The following MROH9 variants were observed in gnomAD, a reference collection of about 807,000 sequenced individuals.
The protein encoded by MROH9 is maestro heat like repeat family member 9, also known as maestro heat-like repeat-containing protein family member 9.
Under a neutral mutation model 98.2 loss-of-function variants are expected in MROH9, and 92 were observed. The ratio of observed to expected loss-of-function variants is 0.94; its 90% confidence interval spans 0.79 to 1.11. The LOEUF is 1.11. Among genes scored for constraint, MROH9 ranks in the 50% most tolerant of loss-of-function variants. The pLI is 0.00. For synonymous variants in MROH9, 397 were observed against 368.9 expected, an observed-to-expected ratio of 1.08 and a Z score of -0.87; for missense variants, 1,057 against 1,014.8, an observed-to-expected ratio of 1.04 and a Z score of -0.57.
chr1:170,947,106 A>G (rs1431544682), intron 2 of MROH9, among the ~76,000 whole-genome samples: 5 of 151,952 alleles, frequency 3.3e-5, no homozygotes, highest in Non-Finnish European at 7.4e-5. Flanking sequence ...TTTTTTATCT[A>G]TCACATTAAG....
In MROH9 at chr1:171,015,913, C is replaced by T. The variant is rs146373163; in HGVS notation, c.1735-250C>T. On this transcript the variant is annotated intron_variant, in intron 16 of 21. Transcript: ENST00000367759. ...GAGCATAGATAATGGTAAAATGTAG[C>T]GAAAGAATTAGGGAGTGATAATTTT... Among the ~76,000 whole-genome samples, 361 of 152,088 alleles carry T rather than the reference C, an allele frequency of 2.4e-3. 1 individual carries two copies. Among genetic ancestry groups the T allele is most frequent in the Admixed American group, 3.7e-3 (57 of 15,264 alleles).
intron 20 of MROH9, among the ~76,000 whole-genome samples, chr1:171,032,199 A>G (rs549112978): frequency 6.6e-6 from 1 of 152,300 alleles, no homozygotes; most frequent in South Asian, 2.1e-4. Context: ...CAAAGTTCTT[A>G]GCTTCTTTGC....
Position 170,945,581 on chromosome 1 carries a change from A to G in MROH9, c.25A>G (p.Lys9Glu). 6.2e-7 allele frequency: 1 copy of G among 1,612,032 alleles called. No individual in the cohort carries two copies. The change falls in exon 2 of 22, where the codon AAG (lysine) becomes GAG (glutamate). Residue 9 changes from lysine (K) to glutamate (E), a missense_variant and splice_region_variant. By Grantham distance (56) the Lys-to-Glu change is moderately conservative. Coordinates refer to ENST00000367759, the MANE Select transcript of MROH9 (RefSeq NM_001163629.2). MLTRNPKT[K>E]SSLQILQDSV... is the part of the protein sequence containing the mutation. Reference sequence around the variant, plus strand: ...CATGTTGACAAGGAATCCAAAAACAAGTAAGGCTTTAGGACACAATAGAGA... The same window carrying G: ...CATGTTGACAAGGAATCCAAAAACAGGTAAGGCTTTAGGACACAATAGAGA...
intron 20 of MROH9, among the ~76,000 whole-genome samples, chr1:171,060,698 A>T (rs1055293056): frequency 6.6e-6 from 1 of 152,196 alleles, no homozygotes; most frequent in African/African-American, 2.4e-5. Flanking sequence ...GTATATAAAA[A>T]TATCTTGACC....
At chr1:170,956,967 G>A (rs962019854) in intron 3 of MROH9, among the ~76,000 whole-genome samples, 33 of 149,806 alleles carry the variant, frequency 2.2e-4, no homozygotes, top group Admixed American at 5.3e-4. Context: ...TGTATTTTTT[G>A]GAAAAAGTTT....
intron 7 of MROH9, among the ~76,000 whole-genome samples, chr1:170,970,731 T>TGTGTGTGTGTGA (rs1491154307): frequency 5.1e-4 from 46 of 90,874 alleles, no homozygotes; most frequent in African/African-American, 1.6e-3. Flanking sequence ...TGTGTGTGTG[T>TGTGTGTGTGTGA]GAGAGAGAGA....
intron 20 of MROH9, among the ~76,000 whole-genome samples, chr1:171,050,470 T>C (rs573813325): frequency 6.6e-6 from 1 of 152,222 alleles, no homozygotes; most frequent in Non-Finnish European, 1.5e-5. Context: ...TTGATTTGGT[T>C]CTTGGCTTTA....
chr1:171,038,894 G>C (rs1653197482), intron 20 of MROH9, among the ~76,000 whole-genome samples: 1 of 151,870 alleles, frequency 6.6e-6, no homozygotes, highest in Non-Finnish European at 1.5e-5. Flanking sequence ...AAAAGTGAGA[G>C]ATCTCATAGA....
chr1:170,983,160 G>A (rs369675316), intron 8 of MROH9, among the ~76,000 whole-genome samples: 13 of 152,080 alleles, frequency 8.5e-5, no homozygotes, highest in African/African-American at 3.1e-4. Context: ...GCATTTGATG[G>A]TCTATATATA....
chr1:170,974,635 A>G (rs1032881831), intron 8 of MROH9, among the ~76,000 whole-genome samples: 2 of 152,152 alleles, frequency 1.3e-5, no homozygotes, highest in Admixed American at 6.5e-5. Context: ...ATTAATTACC[A>G]TAAGATCTTT....
intron 11 of MROH9, among the ~76,000 whole-genome samples, chr1:170,990,907 T>C (rs1230127419): frequency 6.6e-6 from 1 of 152,206 alleles, no homozygotes; most frequent in African/African-American, 2.4e-5. Flanking sequence ...CACATAACTT[T>C]ATTTTTCAGA....
intron 7 of MROH9, among the ~76,000 whole-genome samples, chr1:170,970,749 A>T (rs1650424281): frequency 7.0e-6 from 1 of 142,458 alleles, no homozygotes. Flanking sequence ...AGAGAGAGAG[A>T]GAGAGAGAGA....
chr1:171,032,696 T>C (rs889734729), intron 20 of MROH9, among the ~76,000 whole-genome samples: 13 of 152,152 alleles, frequency 8.5e-5, no homozygotes, highest in African/African-American at 3.1e-4. Context: ...CTGATGCTAG[T>C]AGGATCGCTC....
At chr1:170,996,196 T>A in intron 13 of MROH9, among the ~76,000 whole-genome samples, 1 of 152,166 alleles carries the variant, frequency 6.6e-6, no homozygotes, top group East Asian at 1.9e-4. Context: ...AAAATGGACA[T>A]CTTTAGCAAG....
At chr1:171,000,570 T>C (rs1651751807) in intron 15 of MROH9, among the ~76,000 whole-genome samples, 1 of 152,216 alleles carries the variant, frequency 6.6e-6, no homozygotes, top group Non-Finnish European at 1.5e-5. Context: ...GAACCATCCC[T>C]GCATACCTGG....
intron 20 of MROH9, 90 bp from the exon 21 acceptor site, chr1:171,062,042 G>C (rs1654031507): frequency 2.5e-6 from 2 of 806,420 alleles, no homozygotes; most frequent in African/African-American, 1.7e-5. Context: ...GCTTTGCTTT[G>C]AAAAAAGCAA....
In MROH9 at chr1:171,025,379, GC is replaced by G; in HGVS notation, c.2244del (p.Arg749GlufsTer11). ...LTSDTLRFLW[S>X]PRTYLKRASV... ...TCTGATACCTTACGATTCCTGTGGA[GC>G]CCCAGAACATATCTTAAGAGGGCAT... On this transcript the variant is annotated frameshift_variant, in exon 20 of 22. Coordinates refer to ENST00000367759, the MANE Select transcript of MROH9 (RefSeq NM_001163629.2). LOFTEE classifies it high-confidence loss of function. 1.9e-5 allele frequency: 30 copies of G among 1,549,924 alleles called. No homozygotes were observed. The highest frequency in any genetic ancestry group is 2.6e-5 in the Non-Finnish European group (30 of 1,145,616).
intron 11 of MROH9, among the ~76,000 whole-genome samples, chr1:170,991,856 G>C (rs2101808590): frequency 6.6e-6 from 1 of 152,230 alleles, no homozygotes; most frequent in South Asian, 2.1e-4. Flanking sequence ...AGGAAGTATA[G>C]ATTGCAGAAA....
At chr1:171,047,238 A>C (rs1653498496) in intron 20 of MROH9, among the ~76,000 whole-genome samples, 1 of 152,170 alleles carries the variant, frequency 6.6e-6, no homozygotes, top group Non-Finnish European at 1.5e-5. Flanking sequence ...TTCTGTTATT[A>C]GCCCTCTGAA....
Sources: gnomAD v4.1 joint callset for allele counts (sites outside exome capture counted in the v4.1 genomes callset) on GRCh38, gnomAD v4.1.1 for gene constraint, MANE v1.5 for transcripts, NCBI Gene and HGNC (gene_info 2026-07-23, HGNC 2026-07-21) for gene names.